Variants in SLC29A4 observed in about 807,000 individuals in gnomAD.
SLC29A4 encodes the protein equilibrative nucleoside transporter 4.
In SLC29A4, 36 loss-of-function variants were observed where a neutral mutation model predicts 43.9. The ratio of observed to expected loss-of-function variants is 0.82; its 90% CI spans 0.63 to 1.08. SLC29A4 has a LOEUF of 1.08. Ranked by LOEUF, SLC29A4 falls within the 50% of genes least tolerant of loss-of-function variation. SLC29A4 has a pLI of 0.00. For missense variants in SLC29A4, 869 were observed against 755.3 expected (o/e 1.15, Z -1.77); for synonymous variants, 491 against 338.0 (o/e 1.45, Z -4.97).
intron 7 of SLC29A4, among the ~76,000 whole-genome samples, chr7:5,298,376 C>T (rs550920334): frequency 6.6e-6 from 1 of 152,114 alleles, no homozygotes; most frequent in East Asian, 1.9e-4. Context: ...CTGGGAGGAG[C>T]TCCGTGTGTT....
chr7:5,293,537 C>T (rs543777863), intron 5 of SLC29A4, among the ~76,000 whole-genome samples: 20 of 152,274 alleles, frequency 1.3e-4, no homozygotes, highest in African/African-American at 4.1e-4. Context: ...TTTTATATTA[C>T]GGCCCTGTAA....
rs142220610 is a variant in SLC29A4, at chr7:5,302,917, G to C, written c.1571G>C (p.Gly524Ala). 394 of 1,608,036 alleles carry C rather than the reference G, an allele frequency of 2.5e-4. No homozygotes were observed. The highest frequency in any genetic ancestry group is 3.3e-4 in the Non-Finnish European group (383 of 1,178,198). ...GSCLHASTAN[G>A]SILAGL is the part of the protein sequence containing the mutation. ...TGCCTGCACGCCTCCACCGCCAATG[G>C]TTCCATCCTCGCAGGCCTCTGAGCC... The change falls in exon 11 of 11, where the codon GGT (glycine) becomes GCT (alanine). Residue 524 changes from glycine (G) to alanine (A), a missense_variant. Transcript: ENST00000396872.
rs1438299953 is a variant in SLC29A4, at chr7:5,296,926, C to T, written c.620-10C>T. 3.2e-6 allele frequency: 5 copies of T among 1,583,932 alleles called. No homozygotes were observed. The highest frequency in any genetic ancestry group is 1.7e-5 in the Admixed American group (1 of 58,294). On this transcript the variant is annotated splice_polypyrimidine_tract_variant and intron_variant, in intron 6 of 10. Transcript: ENST00000396872. ...GGATCAGGCCCCGGCCCACTGTGCA[C>T]GCCCCCCAGGCACGGCGGGCGTGAT...
chr7:5,294,789 T>G, intron 5 of SLC29A4, 71 bp from the exon 6 acceptor site: 1 of 1,497,092 alleles, frequency 6.7e-7, no homozygotes, highest in Non-Finnish European at 9.3e-7. Flanking sequence ...AACACAGTTC[T>G]CTAGTGCATT....
intron 3 of SLC29A4, 23 bp from the exon 4 acceptor site, chr7:5,291,101 C>T (rs938092292): frequency 2.5e-6 from 4 of 1,611,324 alleles, no homozygotes; most frequent in Admixed American, 3.3e-5. Flanking sequence ...CCCTGAGCAC[C>T]TGCTGTCTCT....
Position 5,303,320 on chromosome 7 carries a change from C to G in SLC29A4, c.*381C>G. ...GAGTGTGCGCGCCCAGTGACTGCAC[C>G]CCGGCCCTCATCACCCACCGGCACT... On this transcript the variant is annotated 3_prime_UTR_variant, in exon 11 of 11. Transcript: ENST00000396872. 2 of 295,092 alleles carry G rather than the reference C, an allele frequency of 6.8e-6. No individual in the cohort carries two copies. The highest frequency in any genetic ancestry group is 1.1e-4 in the East Asian group (1 of 9,362). 18.3% of individuals were successfully genotyped at this position (295,092 alleles called of 1,614,324 possible).
intron 2 of SLC29A4, 46 bp from the exon 3 acceptor site, chr7:5,290,686 C>T (rs759620488): frequency 5.1e-6 from 8 of 1,573,910 alleles, no homozygotes; most frequent in South Asian, 3.5e-5. Context: ...GTGACTGTAG[C>T]CATGCGTGGA....
intron 10 of SLC29A4, among the ~76,000 whole-genome samples, chr7:5,301,960 T>TG (rs1358216949): frequency 6.6e-6 from 1 of 152,018 alleles, no homozygotes; most frequent in African/African-American, 2.4e-5. Flanking sequence ...GGAGATTTTT[T>TG]TTTCTTTTTA....
At position 5,304,063 on chromosome 7, in the gene SLC29A4, G is replaced by A. The variant is rs186598363; in HGVS notation, c.*1124G>A. The A allele has an allele frequency of 1.9e-3, 294 of 152,502 alleles. 1 individual carries two copies. The highest frequency in any genetic ancestry group is 6.7e-3 in the African/African-American group (277 of 41,594). The allele number at this position is 152,502 out of a possible 1,614,324, so 9.4% of individuals were successfully genotyped here. On this transcript the variant is annotated 3_prime_UTR_variant, in exon 11 of 11. Coordinates refer to ENST00000396872, the MANE Select transcript of SLC29A4 (RefSeq NM_153247.4). ...AAAGATGAAGGCAGACCGCTGCACCGCCGCCTGCAAGCAGAGTTTGTGCGT... is the reference window on the plus strand; with the variant it reads ...AAAGATGAAGGCAGACCGCTGCACCACCGCCTGCAAGCAGAGTTTGTGCGT...
chr7:5,288,876 C>T (rs1441655384), intron 2 of SLC29A4, among the ~76,000 whole-genome samples: 2 of 152,100 alleles, frequency 1.3e-5, no homozygotes, highest in Non-Finnish European at 2.9e-5. Context: ...GGCTCGGGTT[C>T]AAGCCTACCT....
At chr7:5,292,542 G>A (rs923414733) in intron 5 of SLC29A4, among the ~76,000 whole-genome samples, 1 of 151,908 alleles carries the variant, frequency 6.6e-6, no homozygotes, top group Non-Finnish European at 1.5e-5. Context: ...CCGTCTCTCT[G>A]TACTTAAATT....
At chr7:5,302,458 G>T (rs575239877) in intron 10 of SLC29A4, among the ~76,000 whole-genome samples, 1 of 152,206 alleles carries the variant, frequency 6.6e-6, no homozygotes, top group Non-Finnish European at 1.5e-5. Flanking sequence ...TGGGAGGATC[G>T]CGTGAGCCCA....
intron 2 of SLC29A4, among the ~76,000 whole-genome samples, chr7:5,288,986 G>T (rs1470542570): frequency 1.3e-5 from 2 of 152,152 alleles, no homozygotes; most frequent in African/African-American, 4.8e-5. Context: ...TGTCAGTGTG[G>T]TTGCATCAGA....
rs60168491 is a variant in SLC29A4 at position 5,304,301 on chromosome 7, G to GCC, written c.*1369_*1370dup. Reference sequence around the variant, plus strand: ...GGTTTGTCGCTCACCTTGACCGCCCGCCCCCCCCACCCCTTCGTGAGGATC... The same window carrying GCC: ...GGTTTGTCGCTCACCTTGACCGCCCGCCCCCCCCCCACCCCTTCGTGAGGATC... On this transcript the variant is annotated 3_prime_UTR_variant, in exon 11 of 11. Transcript: ENST00000396872. 0.31 allele frequency: 33,047 copies of GCC among 107,876 alleles called. 4,268 individuals are homozygous for GCC. The highest frequency in any genetic ancestry group is 0.36 in the Non-Finnish European group (18,689 of 51,946). The allele number at this position is 107,876 out of a possible 1,614,324, so 6.7% of individuals were successfully genotyped here. A position where few individuals can be genotyped will look rare whatever the true frequency, so the allele number is the denominator to read the frequency against.
chr7:5,302,543 T>G (rs59384145), intron 10 of SLC29A4, among the ~76,000 whole-genome samples: 31,122 of 152,006 alleles, frequency 0.2, 3,868 homozygotes, highest in East Asian at 0.55. Flanking sequence ...ACCTTGTCTT[T>G]AAATTTTAAA....
intron 6 of SLC29A4, among the ~76,000 whole-genome samples, chr7:5,296,607 C>A (rs1408847937): frequency 5.0e-5 from 2 of 40,218 alleles, no homozygotes; most frequent in East Asian, 9.4e-4. Context: ...GGGTGGGATG[C>A]AGCTGGGCGT....
chr7:5,295,028 TGGGA>T, intron 6 of SLC29A4, 94 bp downstream of exon 6: 4 of 1,123,446 alleles, frequency 3.6e-6, no homozygotes, highest in Non-Finnish European at 5.1e-6. Context: ...CTCCCCGGTC[TGGGA>T]GGGAGGCTCA....
rs1786427895 is a variant in SLC29A4 at position 5,305,341 on chromosome 7, C to G, written c.*2402C>G. 6.6e-6 allele frequency: 1 copy of G among 152,266 alleles called. No homozygotes were observed. Among genetic ancestry groups the G allele is most frequent in the Admixed American group, 6.5e-5 (1 of 15,282 alleles). 9.4% of individuals were successfully genotyped at this position (152,266 alleles called of 1,614,324 possible). ...CCGGCTGGCTGCCCTCCATGGGTTACCCTCTTTGCAAAGCCCCGAATGTCC... is the reference window on the plus strand; with the variant it reads ...CCGGCTGGCTGCCCTCCATGGGTTAGCCTCTTTGCAAAGCCCCGAATGTCC... On this transcript the variant is annotated 3_prime_UTR_variant, in exon 11 of 11. Coordinates refer to ENST00000396872, the MANE Select transcript of SLC29A4 (RefSeq NM_153247.4).
rs529564090 is a variant in SLC29A4, at chr7:5,289,531, G to A, written c.170-1201G>A. Among the ~76,000 whole-genome samples the A allele has an allele frequency of 3.3e-5, 5 of 152,218 alleles. 1 individual carries two copies. The highest frequency in any genetic ancestry group is 1.2e-4 in the African/African-American group (5 of 41,514). ...CTCTGAGCTCCAGGAAGTCCCCAAG[G>A]TCTCACCTGATTAGGTCAGACCCAC... On this transcript the variant is annotated intron_variant, in intron 2 of 10. Transcript: ENST00000396872.
Sources: allele counts gnomAD v4.1 joint callset (sites outside exome capture counted in the v4.1 genomes callset), GRCh38; gene constraint gnomAD v4.1.1; transcripts MANE v1.5; gene names NCBI Gene and HGNC (gene_info 2026-07-23, HGNC 2026-07-21).